Variants in BMPR2 observed in about 807,000 individuals in gnomAD.
BMPR2 encodes bone morphogenetic protein receptor type 2.
In BMPR2, 29 loss-of-function variants were observed where a neutral mutation model predicts 100.8. The ratio of observed to expected loss-of-function variants is 0.29; its 90% CI spans 0.21 to 0.39. The LOEUF is 0.39. BMPR2 is among the 10% of genes least tolerant of loss of function. BMPR2 has a pLI of 1.00. For missense variants in BMPR2, 1,011 were observed against 1,274.5 expected (o/e 0.79, Z 3.15); for synonymous variants, 382 against 442.3 (o/e 0.86, Z 1.71).
At chr2:202,457,553 T>A (rs1692139862) in intron 1 of BMPR2, among the ~76,000 whole-genome samples, 2 of 97,798 alleles carry the variant, frequency 2.0e-5, no homozygotes, top group Admixed American at 2.3e-4. Flanking sequence ...TATATATATA[T>A]ATATATATAG....
intron 3 of BMPR2, among the ~76,000 whole-genome samples, chr2:202,489,517 C>CTGAA (rs919824777): frequency 5.3e-4 from 81 of 152,242 alleles, no homozygotes; most frequent in African/African-American, 1.8e-3. Context: ...GAAGAAGGTG[C>CTGAA]TGAAGATAGA....
chr2:202,474,180 G>A (rs1418217848), intron 3 of BMPR2, among the ~76,000 whole-genome samples: 2 of 151,796 alleles, frequency 1.3e-5, no homozygotes, highest in Non-Finnish European at 2.9e-5. Flanking sequence ...GGATCGCCGG[G>A]CACGGTGGCT....
At position 202,556,187 on chromosome 2, in the gene BMPR2, A is replaced by G. The variant is rs1574507250; in HGVS notation, c.2522A>G (p.His841Arg). 3 of 1,611,774 alleles carry G rather than the reference A, an allele frequency of 1.9e-6. No homozygotes were observed. Among genetic ancestry groups the G allele is most frequent in the Non-Finnish European group, 2.5e-6 (3 of 1,178,016 alleles). ...LSGQTTNIVT[H>R]RAQEMLQNQF... Reference sequence around the variant, plus strand: ...GGCCAAACAACCAACATAGTGACACATAGGGCCCAAGAAATGTTGCAGAAT... The same window carrying G: ...GGCCAAACAACCAACATAGTGACACGTAGGGCCCAAGAAATGTTGCAGAAT... The change falls in exon 12 of 13, where the codon CAT becomes CGT. Residue 841 changes from histidine (H) to arginine (R), a missense_variant. Physicochemically the swap from His to Arg is conservative, Grantham distance 29. Transcript: ENST00000374580.
intron 3 of BMPR2, among the ~76,000 whole-genome samples, chr2:202,490,877 G>A (rs116565969): frequency 6.6e-6 from 1 of 152,126 alleles, no homozygotes; most frequent in Non-Finnish European, 1.5e-5. Context: ...ACTATATAAG[G>A]AGTATGGTTT....
intron 12 of BMPR2, among the ~76,000 whole-genome samples, chr2:202,557,560 G>A (rs1042621790): frequency 6.6e-6 from 1 of 151,256 alleles, no homozygotes; most frequent in Non-Finnish European, 1.5e-5. Context: ...CCAGCTACTT[G>A]GGAAGCTGAG....
At chr2:202,543,557 G>T (rs1429435681) in intron 10 of BMPR2, among the ~76,000 whole-genome samples, 1 of 151,532 alleles carries the variant, frequency 6.6e-6, no homozygotes, top group African/African-American at 2.4e-5. Flanking sequence ...GATAATTATT[G>T]TATTAAAAAG....
intron 1 of BMPR2, among the ~76,000 whole-genome samples, chr2:202,447,274 C>A (rs13422311): frequency 0.48 from 72,584 of 149,902 alleles, 18,996 homozygotes; most frequent in African/African-American, 0.55. Context: ...TCGCCACTAC[C>A]CTTGAGCCTG....
intron 9 of BMPR2, among the ~76,000 whole-genome samples, chr2:202,536,798 G>GGAGGCAGAGGTTGC (rs1428934884): frequency 6.6e-6 from 1 of 151,126 alleles, no homozygotes; most frequent in Non-Finnish European, 1.5e-5. Flanking sequence ...CTTGAACCCG[G>GGAGGCAGAGGTTGC]GAGGCAGAGG....
chr2:202,531,266 G>A (rs151090072), intron 8 of BMPR2, among the ~76,000 whole-genome samples: 66 of 152,340 alleles, frequency 4.3e-4, no homozygotes, highest in Non-Finnish European at 7.9e-4. Context: ...TTGTGCCACT[G>A]CACTCCATCC....
chr2:202,407,612 C>CA (rs940677962), intron 1 of BMPR2, among the ~76,000 whole-genome samples: 5 of 151,264 alleles, frequency 3.3e-5, no homozygotes, highest in African/African-American at 7.3e-5. Context: ...ACTAAAAATA[C>CA]AAAAAAATCA....
At position 202,564,647 on chromosome 2, in the gene BMPR2, A is replaced by C. The variant is rs1236957811; in HGVS notation, c.*4701A>C. 1 of 152,238 alleles carries C rather than the reference A, an allele frequency of 6.6e-6. No individual in the cohort carries two copies. The highest frequency in any genetic ancestry group is 1.5e-5 in the Non-Finnish European group (1 of 68,038). 9.4% of individuals were successfully genotyped at this position (152,238 alleles called of 1,614,324 possible). ...AATCACTGTTTGAGCTAGTTACATA[A>C]AATTTGTTATCAAGAGAAGGCTTTT... On this transcript the variant is annotated 3_prime_UTR_variant, in exon 13 of 13. Transcript: ENST00000374580.
intron 10 of BMPR2, among the ~76,000 whole-genome samples, chr2:202,550,255 C>T (rs988413607): frequency 4.6e-5 from 7 of 151,868 alleles, no homozygotes; most frequent in Non-Finnish European, 7.4e-5. Context: ...TGCCTGTAGT[C>T]CCAGCTACTC....
At chr2:202,493,323 G>A (rs1692948221) in intron 3 of BMPR2, among the ~76,000 whole-genome samples, 1 of 151,936 alleles carries the variant, frequency 6.6e-6, no homozygotes, top group Non-Finnish European at 1.5e-5. Context: ...GTTGTATAGA[G>A]TAACAGACTC....
chr2:202,420,297 A>G (rs1446985163), intron 1 of BMPR2, among the ~76,000 whole-genome samples: 1 of 152,086 alleles, frequency 6.6e-6, no homozygotes, highest in Admixed American at 6.6e-5. Flanking sequence ...ATGAGCAATT[A>G]CAAAATTAAA....
intron 1 of BMPR2, among the ~76,000 whole-genome samples, chr2:202,412,178 T>C (rs1466239094): frequency 1.3e-5 from 2 of 152,150 alleles, no homozygotes; most frequent in East Asian, 1.9e-4. Context: ...TAGAGACACA[T>C]GCGTATGTGT....
At chr2:202,485,923 T>C (rs1341047358) in intron 3 of BMPR2, among the ~76,000 whole-genome samples, 1 of 152,024 alleles carries the variant, frequency 6.6e-6, no homozygotes, top group Non-Finnish European at 1.5e-5. Flanking sequence ...AGATCCTTAA[T>C]TGCTAAGTGA....
chr2:202,436,088 TA>T (rs1691608566), intron 1 of BMPR2, among the ~76,000 whole-genome samples: 1 of 150,976 alleles, frequency 6.6e-6, no homozygotes, highest in Non-Finnish European at 1.5e-5. Context: ...TGTTTCTTTC[TA>T]TACTAAGTTA....
intron 1 of BMPR2, among the ~76,000 whole-genome samples, chr2:202,450,062 A>C (rs768649032): frequency 6.6e-6 from 1 of 152,160 alleles, no homozygotes; most frequent in Non-Finnish European, 1.5e-5. Context: ...GTGAGCCAAG[A>C]TGGCACCACT....
intron 1 of BMPR2, among the ~76,000 whole-genome samples, chr2:202,431,364 G>T (rs1691499859): frequency 6.6e-6 from 1 of 150,594 alleles, no homozygotes; most frequent in Non-Finnish European, 1.5e-5. Context: ...ACATAGGTAT[G>T]AATTTTGTTA....
Sources: allele counts gnomAD v4.1 joint callset (sites outside exome capture counted in the v4.1 genomes callset), GRCh38; gene constraint gnomAD v4.1.1; transcripts MANE v1.5; gene names NCBI Gene and HGNC (gene_info 2026-07-23, HGNC 2026-07-21).